Variants in FRAS1 observed in about 807,000 individuals in gnomAD.
The protein encoded by FRAS1 is extracellular matrix organizing protein FRAS1.
Under a neutral mutation model 435.2 loss-of-function variants are expected in FRAS1, and 290 were observed. That is an observed-to-expected ratio of 0.67 (90% CI 0.61 to 0.73). FRAS1 has a LOEUF of 0.73. Among genes scored for constraint, FRAS1 ranks in the 30% least tolerant of loss-of-function variants. The pLI is 0.00. For synonymous variants in FRAS1, 1,800 were observed against 1,851.0 expected, an observed-to-expected ratio of 0.97 and a Z score of 0.71; for missense variants, 4,860 against 5,001.5, an observed-to-expected ratio of 0.97 and a Z score of 0.85.
intron 2 of FRAS1, among the ~76,000 whole-genome samples, chr4:78,230,606 G>T (rs1724477686): frequency 6.6e-6 from 1 of 152,194 alleles, no homozygotes; most frequent in African/African-American, 2.4e-5. Context: ...TGGGAGCTGG[G>T]TCAAAGAATC....
chr4:78,153,941 G>T (rs1044999048), intron 2 of FRAS1, among the ~76,000 whole-genome samples: 2 of 151,936 alleles, frequency 1.3e-5, no homozygotes, highest in African/African-American at 4.8e-5. Flanking sequence ...TGCCCAACTA[G>T]ATAAAATTCT....
chr4:78,385,606 C>T (rs1732187914), intron 28 of FRAS1, among the ~76,000 whole-genome samples: 1 of 152,160 alleles, frequency 6.6e-6, no homozygotes, highest in South Asian at 2.1e-4. Context: ...CTAAAACAGG[C>T]TGGGCTCAGT....
chr4:78,383,939 T>C, intron 27 of FRAS1, 120 bp from the exon 28 acceptor site: 1 of 674,848 alleles, frequency 1.5e-6, no homozygotes, highest in Non-Finnish European at 2.6e-6. Flanking sequence ...GTGACATTAC[T>C]GCAGCAGTTT....
At chr4:78,278,832 C>G (rs1043089771) in intron 10 of FRAS1, 88 bp downstream of exon 10, 2 of 810,954 alleles carry the variant, frequency 2.5e-6, no homozygotes, top group African/African-American at 3.4e-5. Flanking sequence ...TTTCTTTTGC[C>G]CATTCATTTG....
At chr4:78,395,469 C>T (rs1440099889) in intron 29 of FRAS1, among the ~76,000 whole-genome samples, 1 of 151,980 alleles carries the variant, frequency 6.6e-6, no homozygotes, top group Non-Finnish European at 1.5e-5. Flanking sequence ...TTGAAGTCCA[C>T]TACCATTATT....
intron 2 of FRAS1, among the ~76,000 whole-genome samples, chr4:78,067,836 G>A (rs1052807662): frequency 6.7e-6 from 1 of 149,424 alleles, no homozygotes; most frequent in African/African-American, 2.5e-5. Context: ...TGGGACTACA[G>A]CTGCACACCA....
chr4:78,496,527 G>T (rs151141392), intron 59 of FRAS1, among the ~76,000 whole-genome samples: 3,070 of 152,256 alleles, frequency 0.02, 104 homozygotes, highest in African/African-American at 0.07. Flanking sequence ...ATGGTTTTTA[G>T]TGGGTTCTTT....
At chr4:78,125,665 A>G (rs1719304146) in intron 2 of FRAS1, among the ~76,000 whole-genome samples, 1 of 152,120 alleles carries the variant, frequency 6.6e-6, no homozygotes, top group Admixed American at 6.5e-5. Context: ...AGTTTGCTGG[A>G]GGTCCACTCC....
At chr4:78,540,078 C>T (rs1722001711) in intron 73 of FRAS1, among the ~76,000 whole-genome samples, 1 of 152,158 alleles carries the variant, frequency 6.6e-6, no homozygotes, top group African/African-American at 2.4e-5. Flanking sequence ...GTATTATGCA[C>T]AGAGTATATG....
chr4:78,450,254 C>T lies in FRAS1; in HGVS notation c.6378C>T (p.Arg2126=), dbSNP rs772432967. 2.5e-6 allele frequency: 4 copies of T among 1,613,832 alleles called. No individual in the cohort carries two copies. In the Admixed American group the frequency reaches 5.0e-5, roughly 20 times the overall value. Residue 2126 remains arginine, a synonymous_variant, in exon 45 of 74, where the codon CGC becomes CGT. Transcript: ENST00000512123. Reference sequence around the variant, plus strand: ...TGAAGGAAGATCCTGGTGCAGGGCGCCTGCAGATGATGAAGCATGGCAACC... The same window carrying T: ...TGAAGGAAGATCCTGGTGCAGGGCGTCTGCAGATGATGAAGCATGGCAACC... The part of the protein sequence containing the change: ...YIMKEDPGAG[R]LQMMKHGNLE...
rs62309929 is a variant in FRAS1, at chr4:78,385,712, G to A, written c.3648+1569G>A. On this transcript the variant is annotated intron_variant, in intron 28 of 73. Coordinates refer to ENST00000512123, the MANE Select transcript of FRAS1 (RefSeq NM_025074.7). ...CCAGCCTGGCAAACATGGTGAAACC[G>A]CGTCTCTACTGAAAATACAAAAATT... Among the ~76,000 whole-genome samples the A allele has an allele frequency of 4.1e-3, 619 of 151,990 alleles. 2 individuals are homozygous for A. Among genetic ancestry groups the A allele is most frequent in the Middle Eastern group, 0.017 (5 of 292 alleles).
At chr4:78,500,412 C>T (rs1005332908) in intron 61 of FRAS1, among the ~76,000 whole-genome samples, 9 of 152,146 alleles carry the variant, frequency 5.9e-5, no homozygotes, top group Non-Finnish European at 8.8e-5. Context: ...AGAGAGATGG[C>T]GTTCAGGTCA....
intron 2 of FRAS1, among the ~76,000 whole-genome samples, chr4:78,113,856 G>A (rs1157153072): frequency 6.6e-6 from 1 of 152,104 alleles, no homozygotes; most frequent in Non-Finnish European, 1.5e-5. Context: ...GTCAATTTTG[G>A]CTTTTGTTGC....
chr4:78,486,098 C>T (rs747232294), intron 58 of FRAS1, among the ~76,000 whole-genome samples: 11 of 152,154 alleles, frequency 7.2e-5, no homozygotes, highest in African/African-American at 1.9e-4. Context: ...GTAGCTGCTA[C>T]GGTATCACCC....
intron 28 of FRAS1, among the ~76,000 whole-genome samples, chr4:78,385,116 C>T (rs6838193): frequency 0.032 from 4,858 of 152,120 alleles, 245 homozygotes; most frequent in African/African-American, 0.11. Context: ...GATGGCCCTT[C>T]AAACTCACCT....
intron 30 of FRAS1, among the ~76,000 whole-genome samples, chr4:78,406,387 A>G (rs193061552): frequency 3.3e-5 from 5 of 152,320 alleles, no homozygotes; most frequent in Admixed American, 3.3e-4. Flanking sequence ...AATTGGACTC[A>G]CAGTTCCACA....
chr4:78,183,732 TTGTGTGTGTGTGTGTG>T (rs3974339), intron 2 of FRAS1, among the ~76,000 whole-genome samples: 16 of 137,042 alleles, frequency 1.2e-4, no homozygotes, highest in East Asian at 6.3e-4. Flanking sequence ...TTCATTCTCT[TTGTGTGTGTGTGTGTG>T]TGTGTGTGTG....
At chr4:78,164,890 A>G (rs369464256) in intron 2 of FRAS1, among the ~76,000 whole-genome samples, 1 of 152,122 alleles carries the variant, frequency 6.6e-6, no homozygotes, top group Non-Finnish European at 1.5e-5. Context: ...TGAAGATCCA[A>G]CTCTGTTTAG....
At chr4:78,507,338 G>A in intron 61 of FRAS1, 83 bp from the exon 62 acceptor site, 1 of 1,163,562 alleles carries the variant, frequency 8.6e-7, no homozygotes, top group South Asian at 1.7e-5. Context: ...TTAACATAAT[G>A]TCTCAGCAGT....
Sources: gnomAD v4.1 joint callset for allele counts (sites outside exome capture counted in the v4.1 genomes callset) on GRCh38, gnomAD v4.1.1 for gene constraint, MANE v1.5 for transcripts, NCBI Gene and HGNC (gene_info 2026-07-23, HGNC 2026-07-21) for gene names.